Variants in CCNJL observed in about 807,000 individuals in gnomAD.
The protein encoded by CCNJL is cyclin J like, also known as cyclin-J-like protein.
In CCNJL, 33 loss-of-function variants were observed where a neutral mutation model predicts 33.4. The observed-to-expected ratio is 0.99, with a 90% CI of 0.75 to 1.32. CCNJL has a LOEUF of 1.32. Ranked by LOEUF, CCNJL falls within the 40% of genes most tolerant of loss-of-function variation. The pLI is 0.00. For missense variants in CCNJL, 512 were observed against 499.7 expected (o/e 1.02, Z -0.23); for synonymous variants, 227 against 220.9 (o/e 1.03, Z -0.24).
At chr5:160,330,686 CAG>C (rs1763595720) in intron 1 of CCNJL, among the ~76,000 whole-genome samples, 2 of 148,606 alleles carry the variant, frequency 1.3e-5, no homozygotes, top group Non-Finnish European at 3.0e-5. Flanking sequence ...TTTTTTGAGA[CAG>C]AGTCTCCCTC....
chr5:160,258,437 A>C lies in CCNJL; in HGVS notation c.583+1032T>G. 8.1e-6 allele frequency: 8 copies of C among 983,434 alleles called. No individual in the cohort carries two copies. The South Asian group carries it at 1.0e-4, about 13-fold the overall frequency. The allele number at this position is 983,434 out of a possible 1,614,324, so 60.9% of individuals were successfully genotyped here. A position where few individuals can be genotyped will look rare whatever the true frequency, so the allele number is the denominator to read the frequency against. ...AACCTTTATAATGACAGGATGTTTCACATGAAGAGGGCACTGGACCTGTCC... is the reference window on the plus strand; with the variant it reads ...AACCTTTATAATGACAGGATGTTTCCCATGAAGAGGGCACTGGACCTGTCC... On this transcript the variant is annotated intron_variant, in intron 4 of 5. Coordinates refer to ENST00000257536, the MANE Select transcript of CCNJL (RefSeq NM_001308173.3).
chr5:160,295,633 G>A (rs1762729102), intron 2 of CCNJL, among the ~76,000 whole-genome samples: 1 of 152,132 alleles, frequency 6.6e-6, no homozygotes, highest in African/African-American at 2.4e-5. Flanking sequence ...GGGAAGACGA[G>A]GTGAGGACAG....
intron 2 of CCNJL, among the ~76,000 whole-genome samples, chr5:160,284,415 G>C (rs1408657693): frequency 6.6e-6 from 1 of 151,014 alleles, no homozygotes; most frequent in African/African-American, 2.4e-5. Context: ...TCTCAATAAA[G>C]CTGCTATAAA....
chr5:160,315,333 A>G (rs960527228), upstream of CCNJL: 2 of 167,238 alleles, frequency 1.2e-5, no homozygotes, highest in Non-Finnish European at 2.6e-5. Flanking sequence ...ACACACACAC[A>G]CACACACACA....
At chr5:160,297,372 C>A (rs1398903643) in intron 2 of CCNJL, among the ~76,000 whole-genome samples, 1 of 134,896 alleles carries the variant, frequency 7.4e-6, no homozygotes, top group Non-Finnish European at 1.6e-5. Context: ...TTGAAGCCAG[C>A]AAAGCCCACC....
chr5:160,280,809 T>A, intron 2 of CCNJL, 71 bp from the exon 3 acceptor site: 1 of 1,059,658 alleles, frequency 9.4e-7, no homozygotes. Context: ...TCCCAGGAAA[T>A]GGGACCTCAG....
At chr5:160,278,345 T>C (rs768278877) in intron 3 of CCNJL, among the ~76,000 whole-genome samples, 11 of 151,928 alleles carry the variant, frequency 7.2e-5, no homozygotes, top group Non-Finnish European at 1.3e-4. Context: ...GATTGACAGG[T>C]GGGGGGGCAA....
intron 3 of CCNJL, chr5:160,269,364 A>C (rs1171996996): frequency 2.2e-6 from 1 of 455,174 alleles, no homozygotes; most frequent in Non-Finnish European, 4.4e-6. Flanking sequence ...CCTGCATCCC[A>C]CAAGTGCTTC....
At chr5:160,327,846 G>A (rs1274303184) in intron 1 of CCNJL, among the ~76,000 whole-genome samples, 16 of 152,152 alleles carry the variant, frequency 1.1e-4, no homozygotes, top group Non-Finnish European at 1.5e-5. Context: ...GGCTTTGGAG[G>A]AAATCCAAAG....
chr5:160,311,574 T>C (rs372641410), intron 2 of CCNJL, among the ~76,000 whole-genome samples: 111 of 152,234 alleles, frequency 7.3e-4, no homozygotes, highest in African/African-American at 2.5e-3. Flanking sequence ...AGGGTGGCAA[T>C]ACTATAGGAA....
chr5:160,280,499 G>T, intron 3 of CCNJL, 26 bp downstream of exon 3: 1 of 1,588,924 alleles, frequency 6.3e-7, no homozygotes, highest in Non-Finnish European at 8.6e-7. Context: ...GCACAAGCGC[G>T]GAGGAAGACG....
At chr5:160,302,151 T>C (rs1039633374) in intron 2 of CCNJL, among the ~76,000 whole-genome samples, 3 of 152,232 alleles carry the variant, frequency 2.0e-5, no homozygotes, top group African/African-American at 7.2e-5. Context: ...TATACTTCAA[T>C]TTTTAAAAAA....
At chr5:160,263,564 AAC>A in intron 3 of CCNJL, among the ~76,000 whole-genome samples, 1 of 152,334 alleles carries the variant, frequency 6.6e-6, no homozygotes, top group Middle Eastern at 3.4e-3. Flanking sequence ...ATGCAGGTCA[AAC>A]AGTACAGGCA....
intron 2 of CCNJL, among the ~76,000 whole-genome samples, chr5:160,300,006 A>G (rs1762873937): frequency 6.6e-6 from 1 of 152,026 alleles, no homozygotes; most frequent in South Asian, 2.1e-4. Flanking sequence ...CAATAACTGA[A>G]TCTATCCAAT....
chr5:160,259,881 G>A (rs973935588), intron 3 of CCNJL, 110 bp from the exon 4 acceptor site: 1 of 892,342 alleles, frequency 1.1e-6, no homozygotes, highest in Non-Finnish European at 1.8e-6. Context: ...AAGACAGAAA[G>A]CAGACAGGCC....
chr5:160,273,642 CTTTT>C (rs56869675), intron 3 of CCNJL, among the ~76,000 whole-genome samples: 3 of 97,742 alleles, frequency 3.1e-5, no homozygotes, highest in South Asian at 7.2e-4. Flanking sequence ...AGTGCCGCCA[CTTTT>C]TTTTTTTTTT....
At position 160,259,797 on chromosome 5, in the gene CCNJL, G is replaced by T. The variant is rs1279612103; in HGVS notation, c.281-26C>A. On this transcript the variant is annotated intron_variant, in intron 3 of 5. Coordinates refer to ENST00000257536, the MANE Select transcript of CCNJL (RefSeq NM_001308173.3). ...CTGTCGGGGAGCAGGGGAAGCAGGGGTTACTGGAAGACATTTACCTGAACC... is the reference window on the plus strand; with the variant it reads ...CTGTCGGGGAGCAGGGGAAGCAGGGTTTACTGGAAGACATTTACCTGAACC... 2.5e-6 allele frequency: 4 copies of T among 1,573,636 alleles called. No individual in the cohort carries two copies. The African/African-American group carries it at 5.4e-5, about 21-fold the overall frequency.
chr5:160,280,932 C>G, intron 2 of CCNJL, 194 bp from the exon 3 acceptor site: 1 of 689,290 alleles, frequency 1.5e-6, no homozygotes, highest in Non-Finnish European at 2.6e-6. Flanking sequence ...AGCACAGGCT[C>G]ATAAAGTATC....
At chr5:160,256,640 G>A (rs1002122503) in intron 4 of CCNJL, among the ~76,000 whole-genome samples, 3 of 152,138 alleles carry the variant, frequency 2.0e-5, no homozygotes, top group Non-Finnish European at 4.4e-5. Flanking sequence ...GATTTTTGCT[G>A]GGCGCAGTGG....
Sources: allele counts gnomAD v4.1 joint callset (sites outside exome capture counted in the v4.1 genomes callset), GRCh38; gene constraint gnomAD v4.1.1; transcripts MANE v1.5; gene names NCBI Gene and HGNC (gene_info 2026-07-23, HGNC 2026-07-21).